The following KCNIP4 variants were observed in gnomAD, a reference collection of about 807,000 sequenced individuals.
KCNIP4 encodes potassium voltage-gated channel interacting protein 4, also known as Kv channel-interacting protein 4.
KCNIP4 carries 12 observed loss-of-function variants against 34.0 expected under a neutral mutation model. The observed-to-expected ratio is 0.35, with a 90% CI of 0.23 to 0.57. KCNIP4 has a LOEUF of 0.57. KCNIP4 is among the 20% of genes least tolerant of loss of function. KCNIP4 has a pLI of 0.83. For missense variants in KCNIP4, 238 were observed against 311.7 expected, an observed-to-expected ratio of 0.76 and a Z score of 1.78; for synonymous variants, 124 against 102.2, an observed-to-expected ratio of 1.21 and a Z score of -1.29.
chr4:21,044,982 C>T (rs1742309363), intron 1 of KCNIP4, among the ~76,000 whole-genome samples: 1 of 152,154 alleles, frequency 6.6e-6, no homozygotes, highest in Non-Finnish European at 1.5e-5. Context: ...TGAGATCTTA[C>T]ATATGGAAGA....
chr4:21,304,069 CAGAGAGAGAGAGAG>C (rs1276234904), intron 1 of KCNIP4: 25 of 138,092 alleles, frequency 1.8e-4, no homozygotes, highest in South Asian at 1.7e-3. Flanking sequence ...GAGAGAGAGA[CAGAGAGAGAGAGAG>C]AGACAGAGAG....
At chr4:21,696,582 T>C (rs1003187767) in intron 1 of KCNIP4, among the ~76,000 whole-genome samples, 2 of 152,164 alleles carry the variant, frequency 1.3e-5, no homozygotes, top group African/African-American at 4.8e-5. Flanking sequence ...AAAATATATA[T>C]ATTATCAGTG....
At chr4:20,848,307 G>T (rs578010945) in intron 3 of KCNIP4, among the ~76,000 whole-genome samples, 1 of 151,914 alleles carries the variant, frequency 6.6e-6, no homozygotes, top group South Asian at 2.1e-4. Flanking sequence ...GGAGGATGGG[G>T]AAGAGCTGAA....
rs931503331 is a variant in KCNIP4 at position 21,015,774 on chromosome 4, T to G, written c.62-133065A>C. On this transcript the variant is annotated intron_variant, in intron 1 of 8. Coordinates refer to ENST00000382152, the MANE Select transcript of KCNIP4 (RefSeq NM_025221.6). ...GATATATAAATATATACAATATACA[T>G]TTATAAATATATAAATATATATAAA... 4.4e-5 allele frequency among the ~76,000 whole-genome samples: 6 copies of G among 136,432 alleles called. No individual in the cohort carries two copies. In the East Asian group the frequency reaches 1.2e-3, roughly 28 times the overall value. The allele number at this position is 136,432 out of a possible 152,430, so 89.5% of individuals were successfully genotyped here.
At chr4:21,665,446 G>T (rs1748779023) in intron 1 of KCNIP4, among the ~76,000 whole-genome samples, 1 of 151,634 alleles carries the variant, frequency 6.6e-6, no homozygotes, top group Admixed American at 6.6e-5. Flanking sequence ...AAAAGTAATT[G>T]CCAACTTAAA....
At chr4:21,046,766 T>G (rs944761388) in intron 1 of KCNIP4, among the ~76,000 whole-genome samples, 1 of 152,098 alleles carries the variant, frequency 6.6e-6, no homozygotes, top group African/African-American at 2.4e-5. Flanking sequence ...TAATTTTGTA[T>G]TTTTAGTAGA....
chr4:21,473,096 T>A (rs1730603150), intron 1 of KCNIP4, among the ~76,000 whole-genome samples: 1 of 152,146 alleles, frequency 6.6e-6, no homozygotes, highest in African/African-American at 2.4e-5. Flanking sequence ...ATTGGCAACG[T>A]TTCGTTAGAA....
At chr4:20,810,770 G>C (rs1715653246) in intron 3 of KCNIP4, among the ~76,000 whole-genome samples, 1 of 152,126 alleles carries the variant, frequency 6.6e-6, no homozygotes, top group African/African-American at 2.4e-5. Flanking sequence ...AAATTTTTAA[G>C]TGTATTTGAA....
intron 1 of KCNIP4, among the ~76,000 whole-genome samples, chr4:21,099,784 G>T (rs988093350): frequency 6.6e-6 from 1 of 152,104 alleles, no homozygotes; most frequent in Non-Finnish European, 1.5e-5. Flanking sequence ...ATGGGAGAAG[G>T]TCAAAATAAC....
At chr4:20,818,127 A>G (rs1716640432) in intron 3 of KCNIP4, among the ~76,000 whole-genome samples, 1 of 152,220 alleles carries the variant, frequency 6.6e-6, no homozygotes, top group Admixed American at 6.5e-5. Flanking sequence ...AATGATTGCA[A>G]TACCTCATGA....
intron 1 of KCNIP4, among the ~76,000 whole-genome samples, chr4:20,944,452 T>C (rs1408397567): frequency 6.6e-6 from 1 of 152,252 alleles, no homozygotes; most frequent in Non-Finnish European, 1.5e-5. Flanking sequence ...CTGAGGATTC[T>C]GATCCTAACA....
chr4:21,437,259 A>T (rs563308390), intron 1 of KCNIP4, among the ~76,000 whole-genome samples: 3 of 152,286 alleles, frequency 2.0e-5, no homozygotes, highest in East Asian at 3.9e-4. Flanking sequence ...TTTTCTTTTT[A>T]AAAAATATGT....
intron 1 of KCNIP4, among the ~76,000 whole-genome samples, chr4:21,593,575 A>G (rs1387097442): frequency 6.6e-6 from 1 of 152,016 alleles, no homozygotes; most frequent in East Asian, 1.9e-4. Context: ...TCCAGCTGTT[A>G]TCTATTAGCA....
At chr4:21,699,039 A>G (rs1712614963) in intron 1 of KCNIP4, among the ~76,000 whole-genome samples, 1 of 152,204 alleles carries the variant, frequency 6.6e-6, no homozygotes, top group African/African-American at 2.4e-5. Context: ...AAAATCAGCA[A>G]CGTGCTTTCT....
At chr4:21,092,220 C>T (rs1362182529) in intron 1 of KCNIP4, among the ~76,000 whole-genome samples, 5 of 151,642 alleles carry the variant, frequency 3.3e-5, no homozygotes, top group Admixed American at 6.6e-5. Flanking sequence ...TTATTTAATT[C>T]CAAAAAAAAT....
intron 1 of KCNIP4, among the ~76,000 whole-genome samples, chr4:21,023,446 A>G (rs1046670306): frequency 6.6e-6 from 1 of 152,200 alleles, no homozygotes; most frequent in Admixed American, 6.5e-5. Flanking sequence ...TTTTATCCAA[A>G]ATATATAAAG....
intron 1 of KCNIP4, among the ~76,000 whole-genome samples, chr4:21,349,006 G>C (rs1270804328): frequency 1.3e-5 from 2 of 152,138 alleles, no homozygotes; most frequent in Non-Finnish European, 2.9e-5. Flanking sequence ...TTTGTGGTGG[G>C]AATAAACGAG....
chr4:21,921,413 G>C (rs948775022), intron 1 of KCNIP4, among the ~76,000 whole-genome samples: 2 of 151,938 alleles, frequency 1.3e-5, no homozygotes, highest in South Asian at 2.1e-4. Context: ...ACATTACAAG[G>C]CTCAAACATT....
intron 1 of KCNIP4, among the ~76,000 whole-genome samples, chr4:20,993,482 G>T (rs913942261): frequency 2.0e-5 from 3 of 152,058 alleles, no homozygotes; most frequent in Non-Finnish European, 4.4e-5. Context: ...TGAAGCTAGG[G>T]GTCACATCCC....
Sources: allele counts gnomAD v4.1 joint callset (sites outside exome capture counted in the v4.1 genomes callset), GRCh38; gene constraint gnomAD v4.1.1; transcripts MANE v1.5; gene names NCBI Gene and HGNC (gene_info 2026-07-23, HGNC 2026-07-21).